The following TRIOBP variants were observed in gnomAD, a reference collection of about 807,000 sequenced individuals.
TRIOBP encodes TRIO and F-actin binding protein.
A neutral mutation model predicts 238.8 loss-of-function variants in TRIOBP; 169 were observed. The observed-to-expected ratio is 0.71, with a 90% confidence interval of 0.62 to 0.80. The LOEUF is 0.80. Ranked by LOEUF, TRIOBP falls within the 30% of genes least tolerant of loss-of-function variation. The pLI is 0.00. For missense variants in TRIOBP, 2,838 were observed against 3,122.6 expected (o/e 0.91, Z 2.17); for synonymous variants, 1,150 against 1,274.4 (o/e 0.90, Z 2.08).
intron 3 of TRIOBP, among the ~76,000 whole-genome samples, chr22:37,702,140 T>C (rs1922684416): frequency 6.6e-6 from 1 of 151,934 alleles, no homozygotes; most frequent in Non-Finnish European, 1.5e-5. Flanking sequence ...AGAAGAAAGG[T>C]AGAAAAAGAA....
Position 37,715,787 on chromosome 22 carries a change from G to A in TRIOBP, c.481G>A (p.Glu161Lys), listed in dbSNP as rs1923480487. The stretch of plus-strand genomic sequence containing the variant: ...GGACTGGGACACTGTTGAGAGGCAG[G>A]AGGAGGAGGCCCCCAGCTGGGACGA... ...SVDWDTVERQ[E>K]EEAPSWDELA... is the part of the protein sequence containing the mutation. Residue 161 changes from glutamate to lysine, a missense_variant, in exon 6 of 24, where the codon GAG becomes AAG. Around this residue, in one of 5 missense-constraint regions of TRIOBP, gnomAD observed 535 missense variants for 537.3 expected, o/e 1.00. Coordinates refer to ENST00000644935, the MANE Select transcript of TRIOBP (RefSeq NM_001039141.3). 1.2e-6 allele frequency: 2 copies of A among 1,614,012 alleles called. No individual in the cohort carries two copies. Among genetic ancestry groups the A allele is most frequent in the East Asian group, 2.2e-5 (1 of 44,886 alleles).
intron 11 of TRIOBP, among the ~76,000 whole-genome samples, chr22:37,745,130 T>G (rs1275753559): frequency 1.3e-5 from 2 of 152,058 alleles, no homozygotes; most frequent in Admixed American, 1.3e-4. Flanking sequence ...TCCCAAAGTG[T>G]TGGGATTACA....
chr22:37,721,903 G>A (rs1923848447), intron 6 of TRIOBP, among the ~76,000 whole-genome samples: 1 of 152,202 alleles, frequency 6.6e-6, no homozygotes, highest in East Asian at 1.9e-4. Context: ...GCGGGGTGGA[G>A]GGTGACACAC....
intron 2 of TRIOBP, 86 bp from the exon 3 acceptor site, chr22:37,701,220 G>A: frequency 1.5e-6 from 1 of 682,414 alleles, no homozygotes; most frequent in Non-Finnish European, 2.7e-6. Context: ...CTTGGTCCTT[G>A]TCTGGAAACT....
chr22:37,769,123 A>G lies in TRIOBP; in HGVS notation c.6671A>G (p.Glu2224Gly), dbSNP rs780098515. ...ATTGGGGCACTCATGCGGCAGGCTGAGGAGCGCGAGCACACGCTGCGCCGC... is the reference window on the plus strand; with the variant it reads ...ATTGGGGCACTCATGCGGCAGGCTGGGGAGCGCGAGCACACGCTGCGCCGC... Reference protein sequence around the residue: ...LEIGALMRQAEEREHTLRRCQ... With the variant: ...LEIGALMRQAGEREHTLRRCQ... Residue 2224 changes from glutamate to glycine, a missense_variant, in exon 20 of 24, where the codon GAG becomes GGG. Around this residue, in one of 5 missense-constraint regions of TRIOBP, gnomAD observed 2,096 missense variants for 2,137.4 expected, o/e 0.98. Coordinates refer to ENST00000644935, the MANE Select transcript of TRIOBP (RefSeq NM_001039141.3). 9.9e-6 allele frequency: 16 copies of G among 1,613,102 alleles called. No homozygotes were observed. The highest frequency in any genetic ancestry group is 1.3e-5 in the African/African-American group (1 of 74,934).
In TRIOBP at chr22:37,704,492, AGAGAGGAG is replaced by A. The variant is rs966428075; in HGVS notation, c.114+3027_114+3034del. ...GGGGGAGGGGAAGGGGGAGGGGGAGAGAGAGGAGGAGAGGAGGAGAGAGGGACACATCC... is the reference window on the plus strand; with the variant it reads ...GGGGGAGGGGAAGGGGGAGGGGGAGAGAGAGGAGGAGAGAGGGACACATCC... On this transcript the variant is annotated intron_variant, in intron 3 of 23. Transcript: ENST00000644935. 5.3e-5 allele frequency among the ~76,000 whole-genome samples: 8 copies of A among 150,872 alleles called. No homozygotes were observed. In the East Asian group the frequency reaches 5.9e-4, roughly 11 times the overall value.
chr22:37,703,505 T>TC (rs1922767761), intron 3 of TRIOBP, among the ~76,000 whole-genome samples: 1 of 144,054 alleles, frequency 6.9e-6, no homozygotes, highest in Non-Finnish European at 1.5e-5. Context: ...AAGGTCCTCT[T>TC]TTTTTTTTTT....
rs1924185116 is a variant in TRIOBP, at chr22:37,726,655, T to C, written c.3947+152T>C. On this transcript the variant is annotated intron_variant, in intron 7 of 23. Coordinates refer to ENST00000644935, the MANE Select transcript of TRIOBP (RefSeq NM_001039141.3). ...CCTTGGGCAAATCGCTCCATTTCTC[T>C]GTTTCTGCATATTGGGAGTTTTCTG... is the stretch of plus-strand genomic sequence containing the variant. The C allele has an allele frequency of 5.2e-6, 4 of 774,434 alleles. No homozygotes were observed. In the South Asian group the frequency reaches 6.9e-5, roughly 13 times the overall value. 48.0% of individuals were successfully genotyped at this position (774,434 alleles called of 1,614,324 possible). A position where few individuals can be genotyped will look rare whatever the true frequency, so the allele number is the denominator to read the frequency against.
At chr22:37,771,593 T>TG in intron 21 of TRIOBP, 57 bp from the exon 22 acceptor site, 3 of 1,511,668 alleles carry the variant, frequency 2.0e-6, no homozygotes, top group Non-Finnish European at 2.8e-6. Flanking sequence ...CAGGGCACTA[T>TG]GGGCCAGGGT....
At chr22:37,767,314 AAG>A (rs1491384025) in intron 18 of TRIOBP, among the ~76,000 whole-genome samples, 33 of 148,694 alleles carry the variant, frequency 2.2e-4, no homozygotes, top group East Asian at 7.9e-4. Flanking sequence ...CAAAAAAAAA[AAG>A]AAAGAAAAAA....
At position 37,726,511 on chromosome 22, in the gene TRIOBP, C is replaced by G. The variant is rs770604136; in HGVS notation, c.3947+8C>G. ...CTTCGGGCAAGAGCGCAGGTGAGCCCGGGGGTGGGGTCAGCCAGGTGGGCT... is the reference window on the plus strand; with the variant it reads ...CTTCGGGCAAGAGCGCAGGTGAGCCGGGGGGTGGGGTCAGCCAGGTGGGCT... On this transcript the variant is annotated splice_region_variant and intron_variant, in intron 7 of 23. Transcript: ENST00000644935. 3.1e-5 allele frequency: 46 copies of G among 1,479,236 alleles called. No homozygotes were observed. Among genetic ancestry groups the G allele is most frequent in the Non-Finnish European group, 3.8e-5 (43 of 1,120,758 alleles). 91.6% of individuals were successfully genotyped at this position (1,479,236 alleles called of 1,614,324 possible).
In TRIOBP at chr22:37,764,538, A is replaced by T. The variant is rs113105095; in HGVS notation, c.6325-1132A>T. Among the ~76,000 whole-genome samples the T allele has an allele frequency of 2.0e-5, 3 of 152,134 alleles. No homozygotes were observed. In the East Asian group the frequency reaches 5.8e-4, roughly 29 times the overall value. ...TGTTTCCAGTTTTCATCTGTTACCA[A>T]CCTGGCTGTAGGGAATACCCTTGTT... is the stretch of plus-strand genomic sequence containing the variant. On this transcript the variant is annotated intron_variant, in intron 17 of 23. Coordinates refer to ENST00000644935, the MANE Select transcript of TRIOBP (RefSeq NM_001039141.3).
At chr22:37,714,302 G>C (rs1173880711) in intron 5 of TRIOBP, among the ~76,000 whole-genome samples, 3 of 152,208 alleles carry the variant, frequency 2.0e-5, no homozygotes, top group African/African-American at 7.2e-5. Context: ...CGTTGAAGAT[G>C]AGCGACTTGG....
intron 11 of TRIOBP, among the ~76,000 whole-genome samples, chr22:37,743,848 G>GTGTGT (rs1925080759): frequency 1.2e-5 from 1 of 80,164 alleles, no homozygotes; most frequent in Admixed American, 1.6e-4. Context: ...TGTGTGTGCT[G>GTGTGT]GGTGTGTGTG....
chr22:37,761,664 AGGCAGAGGG>A (rs1926248873), intron 17 of TRIOBP, among the ~76,000 whole-genome samples: 1 of 152,148 alleles, frequency 6.6e-6, no homozygotes, highest in African/African-American at 2.4e-5. Context: ...GATCTACGGA[AGGCAGAGGG>A]GCCTTTGGGG....
At chr22:37,723,113 A>G in intron 6 of TRIOBP, 72 bp from the exon 7 acceptor site, 1 of 1,531,482 alleles carries the variant, frequency 6.5e-7, no homozygotes, top group Non-Finnish European at 9.0e-7. Context: ...GTCCTAAGGG[A>G]CAAAGAAAGG....
chr22:37,727,126 C>T (rs1924210663), intron 7 of TRIOBP, among the ~76,000 whole-genome samples: 1 of 151,528 alleles, frequency 6.6e-6, no homozygotes, highest in Non-Finnish European at 1.5e-5. Flanking sequence ...CCAGGCTGGT[C>T]TCGAACTCCT....
At chr22:37,720,313 G>A (rs189945668) in intron 6 of TRIOBP, among the ~76,000 whole-genome samples, 211 of 152,108 alleles carry the variant, frequency 1.4e-3, no homozygotes, top group African/African-American at 4.6e-3. Flanking sequence ...GACCGTGCCC[G>A]GCCCACTGCT....
Position 37,734,411 on chromosome 22 carries a change from C to G in TRIOBP, c.4075C>G (p.Pro1359Ala). The G allele has an allele frequency of 6.2e-7, 1 of 1,613,118 alleles. No individual in the cohort carries two copies. Among genetic ancestry groups the G allele is most frequent in the Non-Finnish European group, 8.5e-7 (1 of 1,179,916 alleles). Residue 1359 changes from proline (P) to alanine (A), a missense_variant, in exon 9 of 24, where the codon CCT becomes GCT. Physicochemically the swap from Pro to Ala is conservative, Grantham distance 27. Transcript: ENST00000644935. ...ACCTCATCCCCAGGTGACCATGCTC[C>G]CTGCCAAACAGGCAGAACTGACCCG... Reference protein sequence around the residue: ...PAPSRQVTMLPAKQAELTRRS... With the variant: ...PAPSRQVTMLAAKQAELTRRS...
Sources: allele counts gnomAD v4.1 joint callset (sites outside exome capture counted in the v4.1 genomes callset), GRCh38; gene constraint gnomAD v4.1.1; regional missense constraint gnomAD v4.1.1; transcripts MANE v1.5; gene names NCBI Gene and HGNC (gene_info 2026-07-23, HGNC 2026-07-21).